Variants in CILK1 observed in about 807,000 individuals in gnomAD.
CILK1 encodes serine/threonine-protein kinase ICK.
In CILK1, 47 loss-of-function variants were observed where a neutral mutation model predicts 79.2. That is an observed-to-expected ratio of 0.59 (90% CI 0.47 to 0.76). CILK1 has a LOEUF of 0.76. Among genes scored for constraint, CILK1 ranks in the 30% least tolerant of loss-of-function variants. The pLI, the probability that CILK1 is intolerant of heterozygous loss-of-function variation, is 0.00. For synonymous variants in CILK1, 266 were observed against 275.9 expected, an observed-to-expected ratio of 0.96 and a Z score of 0.36; for missense variants, 660 against 769.5, an observed-to-expected ratio of 0.86 and a Z score of 1.68.
rs1766041914 is a variant in CILK1, at chr6:53,032,604, G to A, written c.207C>T (p.Ile69=). ...TAAAATAAAGATGATCATTTTCCCT[G>A]ATAACTTCTTTTAATTTGACTACAT... The part of the protein sequence containing the change: ...HANVVKLKEV[I]RENDHLYFIF... The change falls in exon 4 of 14, where the codon ATC becomes ATT. Residue 69 remains isoleucine, a synonymous_variant. Transcript: ENST00000676107. 1.4e-5 allele frequency: 22 copies of A among 1,605,272 alleles called. No individual in the cohort carries two copies. The highest frequency in any genetic ancestry group is 1.9e-5 in the Non-Finnish European group (22 of 1,173,438).
At chr6:53,048,474 C>T (rs1767255946) in intron 1 of CILK1, among the ~76,000 whole-genome samples, 1 of 152,166 alleles carries the variant, frequency 6.6e-6, no homozygotes, top group Non-Finnish European at 1.5e-5. Flanking sequence ...ACAAGAAGCA[C>T]CAGTCAGCTC....
At chr6:53,022,650 G>A (rs1765318119) in intron 5 of CILK1, among the ~76,000 whole-genome samples, 1 of 152,174 alleles carries the variant, frequency 6.6e-6, no homozygotes, top group African/African-American at 2.4e-5. Flanking sequence ...CATTAATAAT[G>A]TGCCCTTTAC....
At chr6:53,010,270 T>C (rs1478974193) in intron 11 of CILK1, among the ~76,000 whole-genome samples, 2 of 152,146 alleles carry the variant, frequency 1.3e-5, no homozygotes, top group Non-Finnish European at 2.9e-5. Context: ...CCTGATGAAG[T>C]CTAGCAATAT....
chr6:53,042,871 A>G (rs1348253908), intron 1 of CILK1, among the ~76,000 whole-genome samples: 4 of 152,206 alleles, frequency 2.6e-5, no homozygotes, highest in Non-Finnish European at 5.9e-5. Flanking sequence ...TGTTGTTAGT[A>G]GTATTGTGCC....
chr6:53,027,870 G>A (rs1323972166), intron 5 of CILK1, among the ~76,000 whole-genome samples: 4 of 152,110 alleles, frequency 2.6e-5, no homozygotes, highest in South Asian at 2.1e-4. Context: ...GCCGGGCGCC[G>A]GGCACAGTGG....
In CILK1 at chr6:53,004,443, C is replaced by T. The variant is rs1030887941; in HGVS notation, c.*706G>A. 2 of 152,192 alleles carry T rather than the reference C, an allele frequency of 1.3e-5. No homozygotes were observed. The highest frequency in any genetic ancestry group is 1.3e-4 in the Admixed American group (2 of 15,280). 9.4% of individuals were successfully genotyped at this position (152,192 alleles called of 1,614,324 possible). On this transcript the variant is annotated 3_prime_UTR_variant, in exon 14 of 14. Coordinates refer to ENST00000676107, the MANE Select transcript of CILK1 (RefSeq NM_014920.5). Reference sequence around the variant, plus strand: ...AATTAAGCTTGGTTTCATCTGAGATCTGCAACCACATTAAAGGGTGTCAGA... The same window carrying T: ...AATTAAGCTTGGTTTCATCTGAGATTTGCAACCACATTAAAGGGTGTCAGA...
intron 13 of CILK1, 142 bp downstream of exon 13, chr6:53,006,173 C>A: frequency 1.4e-6 from 1 of 709,762 alleles, no homozygotes; most frequent in South Asian, 1.7e-5. Flanking sequence ...TGTTATATAG[C>A]ACTTATTTAG....
At chr6:53,048,015 G>C (rs891002413) in intron 1 of CILK1, among the ~76,000 whole-genome samples, 1 of 151,912 alleles carries the variant, frequency 6.6e-6, no homozygotes, top group Non-Finnish European at 1.5e-5. Flanking sequence ...AGTTCTTATT[G>C]GGAACACAGC....
At chr6:53,053,604 G>T (rs1043808452) in intron 1 of CILK1, among the ~76,000 whole-genome samples, 1 of 152,198 alleles carries the variant, frequency 6.6e-6, no homozygotes, top group African/African-American at 2.4e-5. Context: ...AACCCAGGCT[G>T]ACTGTACCAA....
intron 5 of CILK1, among the ~76,000 whole-genome samples, chr6:53,025,827 A>G (rs222458): frequency 0.93 from 141,427 of 152,276 alleles, 65,763 homozygotes; most frequent in East Asian, 1. Context: ...GAATAATGTA[A>G]CAATGGGCTG....
chr6:53,012,472 T>C (rs1200773871), intron 9 of CILK1, among the ~76,000 whole-genome samples: 2 of 152,198 alleles, frequency 1.3e-5, no homozygotes, highest in Non-Finnish European at 2.9e-5. Flanking sequence ...TAAAAAAATT[T>C]TTAAGATACT....
chr6:53,059,909 G>C (rs994705757), intron 1 of CILK1, among the ~76,000 whole-genome samples: 1 of 152,186 alleles, frequency 6.6e-6, no homozygotes, highest in East Asian at 1.9e-4. Flanking sequence ...AGCTTACTAA[G>C]AGTCAGGCTT....
chr6:53,012,773 C>T (rs1355580342), intron 9 of CILK1, among the ~76,000 whole-genome samples: 1 of 152,152 alleles, frequency 6.6e-6, no homozygotes, highest in Non-Finnish European at 1.5e-5. Flanking sequence ...TTGCATCTCA[C>T]ATTGTGGTGG....
intron 4 of CILK1, among the ~76,000 whole-genome samples, chr6:53,031,501 AGAT>A (rs1455913603): frequency 6.6e-6 from 1 of 152,226 alleles, no homozygotes; most frequent in African/African-American, 2.4e-5. Flanking sequence ...TTGTCAATAA[AGAT>A]GATATTTGTT....
chr6:53,033,086 A>C (rs1356020757), intron 3 of CILK1, among the ~76,000 whole-genome samples: 1 of 152,224 alleles, frequency 6.6e-6, no homozygotes, highest in East Asian at 1.9e-4. Flanking sequence ...CACTCTGAAT[A>C]GGAAATTGTT....
intron 4 of CILK1, among the ~76,000 whole-genome samples, chr6:53,032,035 G>C (rs1766000996): frequency 6.6e-6 from 1 of 152,180 alleles, no homozygotes. Flanking sequence ...GTTTCCCCAT[G>C]TTGATGAGGC....
chr6:53,013,805 G>A lies in CILK1; in HGVS notation c.1009C>T (p.Gln337Ter), dbSNP rs1395952742. ...AKPHTRISSR[Q>*]HQASQPPLHL... ...AGAGGGGGCTGGCTGGCTTGATGCT[G>A]TCGTGAAGAAATTCGTGTGTGTGGC... The change falls in exon 9 of 14, where the codon CAG becomes TAG. Residue 337 changes from glutamine (Q) to a stop codon, truncating the protein, a stop_gained. Transcript: ENST00000676107. LOFTEE classifies it high-confidence loss of function. 6.2e-7 allele frequency: 1 copy of A among 1,613,884 alleles called. No individual in the cohort carries two copies. Among genetic ancestry groups the A allele is most frequent in the East Asian group, 2.2e-5 (1 of 44,868 alleles).
chr6:53,028,944 T>G (rs1056485596), intron 5 of CILK1, among the ~76,000 whole-genome samples: 1 of 152,076 alleles, frequency 6.6e-6, no homozygotes, highest in Admixed American at 6.6e-5. Context: ...GTGTGGTCTA[T>G]GTGTTTGTGT....
chr6:53,054,220 T>C (rs1040012193), intron 1 of CILK1, among the ~76,000 whole-genome samples: 2 of 152,088 alleles, frequency 1.3e-5, no homozygotes, highest in African/African-American at 4.8e-5. Flanking sequence ...CCTACACATA[T>C]AGACCCGAGA....
Sources: allele counts gnomAD v4.1 joint callset (sites outside exome capture counted in the v4.1 genomes callset), GRCh38; gene constraint gnomAD v4.1.1; transcripts MANE v1.5; gene names NCBI Gene and HGNC (gene_info 2026-07-23, HGNC 2026-07-21).